Variants in CRTAC1 observed in about 807,000 individuals in gnomAD.
CRTAC1 encodes the protein acidic secreted protein in cartilage.
Under a neutral mutation model 67.8 loss-of-function variants are expected in CRTAC1, and 37 were observed. The observed-to-expected ratio is 0.55, with a 90% CI of 0.42 to 0.72. CRTAC1 has a LOEUF of 0.72. Ranked by LOEUF, CRTAC1 falls within the 30% of genes least tolerant of loss-of-function variation. The pLI, the probability that CRTAC1 is intolerant of heterozygous loss-of-function variation, is 0.00. For missense variants in CRTAC1, 780 were observed against 931.6 expected, an observed-to-expected ratio of 0.84 and a Z score of 2.12; for synonymous variants, 348 against 371.0, an observed-to-expected ratio of 0.94 and a Z score of 0.71.
chr10:97,945,646 G>C (rs1317337695), intron 2 of CRTAC1, among the ~76,000 whole-genome samples: 1 of 152,160 alleles, frequency 6.6e-6, no homozygotes, highest in African/African-American at 2.4e-5. Context: ...GGTTCCGCTA[G>C]GGAATAAATT....
chr10:97,928,005 G>T (rs2050947659), intron 3 of CRTAC1, among the ~76,000 whole-genome samples: 1 of 152,224 alleles, frequency 6.6e-6, no homozygotes. Flanking sequence ...GAAGAGGTGA[G>T]ACTGTTAGGA....
intron 11 of CRTAC1, among the ~76,000 whole-genome samples, chr10:97,886,256 C>G (rs2050282438): frequency 6.6e-6 from 1 of 152,248 alleles, no homozygotes; most frequent in South Asian, 2.1e-4. Context: ...TCTCCTTTTG[C>G]TCTCTCACCC....
intron 13 of CRTAC1, among the ~76,000 whole-genome samples, chr10:97,881,751 C>T (rs1234368967): frequency 6.6e-6 from 1 of 152,036 alleles, no homozygotes; most frequent in Non-Finnish European, 1.5e-5. Flanking sequence ...CCTCCTCCAG[C>T]CACCCTTGGC....
chr10:97,911,021 C>A (rs1005556770), intron 5 of CRTAC1, among the ~76,000 whole-genome samples: 1 of 152,182 alleles, frequency 6.6e-6, no homozygotes, highest in African/African-American at 2.4e-5. Flanking sequence ...AGAGGCCTGT[C>A]CTAAAGCCAG....
intron 2 of CRTAC1, among the ~76,000 whole-genome samples, chr10:97,962,056 T>C (rs551358074): frequency 6.6e-6 from 1 of 152,222 alleles, no homozygotes; most frequent in Non-Finnish European, 1.5e-5. Flanking sequence ...GGAACATCAC[T>C]GTGCTCAGGA....
intron 1 of CRTAC1, among the ~76,000 whole-genome samples, chr10:98,012,496 T>A (rs1405398023): frequency 6.6e-6 from 1 of 152,156 alleles, no homozygotes; most frequent in African/African-American, 2.4e-5. Context: ...CTTCAGAAGG[T>A]AGCAGACCTC....
At chr10:97,882,193 A>C (rs1360164079) in intron 13 of CRTAC1, among the ~76,000 whole-genome samples, 1 of 152,156 alleles carries the variant, frequency 6.6e-6, no homozygotes, top group African/African-American at 2.4e-5. Flanking sequence ...TGGGATGGAA[A>C]GTGTTGGGGG....
intron 1 of CRTAC1, among the ~76,000 whole-genome samples, chr10:98,022,544 T>G (rs1434761208): frequency 6.6e-6 from 1 of 150,844 alleles, no homozygotes. Context: ...ACGATATGGA[T>G]GTGAGACAGC....
intron 2 of CRTAC1, among the ~76,000 whole-genome samples, chr10:98,009,026 A>G (rs1036607733): frequency 7.2e-5 from 11 of 152,168 alleles, no homozygotes; most frequent in Non-Finnish European, 1.5e-4. Context: ...CCTGATTCAG[A>G]GAGCAACTGG....
intron 2 of CRTAC1, among the ~76,000 whole-genome samples, chr10:97,991,860 C>A (rs531901420): frequency 6.6e-6 from 1 of 152,308 alleles, no homozygotes; most frequent in East Asian, 1.9e-4. Context: ...TTTAGATATA[C>A]CCTTGGAAAC....
intron 1 of CRTAC1, among the ~76,000 whole-genome samples, chr10:98,027,930 A>G (rs956876507): frequency 6.6e-6 from 1 of 152,212 alleles, no homozygotes; most frequent in African/African-American, 2.4e-5. Context: ...CCAAATAGCC[A>G]TGTGACCTTG....
At chr10:97,917,726 C>G in intron 4 of CRTAC1, 70 bp from the exon 5 acceptor site, 1 of 1,292,392 alleles carries the variant, frequency 7.7e-7, no homozygotes, top group Middle Eastern at 2.0e-4. Context: ...CCCCTCCCCA[C>G]CCCAGGTAGG....
rs117154509 is a variant in CRTAC1 at position 97,989,025 on chromosome 10, A to G, written c.224+22113T>C. On this transcript the variant is annotated intron_variant, in intron 2 of 14. Coordinates refer to ENST00000370597, the MANE Select transcript of CRTAC1 (RefSeq NM_018058.7). ...GCATGAGTAGAAAAACACGCAGAGG[A>G]AGGAGGAATTTGCCCCTCATCCCCT... Among the ~76,000 whole-genome samples the G allele has an allele frequency of 5.4e-4, 83 of 152,330 alleles. 4 individuals carry two copies. The East Asian group carries it at 0.016, about 29-fold the overall frequency.
intron 2 of CRTAC1, among the ~76,000 whole-genome samples, chr10:98,010,709 T>C (rs966961989): frequency 6.6e-6 from 1 of 152,222 alleles, no homozygotes; most frequent in Non-Finnish European, 1.5e-5. Flanking sequence ...TTATGTAAAG[T>C]GCTGTGCAAA....
chr10:97,907,918 AAG>A (rs1465898932), intron 6 of CRTAC1, 93 bp downstream of exon 6: 22 of 1,372,300 alleles, frequency 1.6e-5, no homozygotes, highest in Non-Finnish European at 2.2e-5. Flanking sequence ...CCTCAGCCAG[AAG>A]AGACTATCCT....
intron 14 of CRTAC1, among the ~76,000 whole-genome samples, chr10:97,879,292 C>T (rs906840268): frequency 4.6e-5 from 7 of 152,156 alleles, no homozygotes; most frequent in African/African-American, 1.7e-4. Flanking sequence ...ACAGGCCAAA[C>T]CAGCAGGCAC....
At chr10:97,936,669 C>T (rs2051094966) in intron 2 of CRTAC1, among the ~76,000 whole-genome samples, 1 of 152,238 alleles carries the variant, frequency 6.6e-6, no homozygotes, top group Non-Finnish European at 1.5e-5. Flanking sequence ...ACAGGCTTCA[C>T]TGAAGAAAAC....
At chr10:97,948,880 G>C (rs1416345782) in intron 2 of CRTAC1, among the ~76,000 whole-genome samples, 1 of 150,116 alleles carries the variant, frequency 6.7e-6, no homozygotes, top group African/African-American at 2.4e-5. Flanking sequence ...GGCGTCAGGA[G>C]AGATAAGTGC....
chr10:98,016,370 C>A (rs1351721762), intron 1 of CRTAC1, among the ~76,000 whole-genome samples: 1 of 152,192 alleles, frequency 6.6e-6, no homozygotes, highest in African/African-American at 2.4e-5. Context: ...CATGAATCAA[C>A]AGAAACTGCT....
Sources: gnomAD v4.1 joint callset for allele counts (sites outside exome capture counted in the v4.1 genomes callset) on GRCh38, gnomAD v4.1.1 for gene constraint, MANE v1.5 for transcripts, NCBI Gene and HGNC (gene_info 2026-07-23, HGNC 2026-07-21) for gene names.